The following CACNA1I variants were observed in gnomAD, a reference collection of about 807,000 sequenced individuals.
CACNA1I encodes voltage-dependent T-type calcium channel subunit alpha-1I.
Under a neutral mutation model 201.6 loss-of-function variants are expected in CACNA1I, and 74 were observed. That is an observed-to-expected ratio of 0.37 (90% CI 0.30 to 0.45). The LOEUF (loss-of-function observed/expected upper bound fraction) is 0.45. Among genes scored for constraint, CACNA1I ranks in the 20% least tolerant of loss-of-function variants. The pLI, the probability that CACNA1I is intolerant of heterozygous loss-of-function variation, is 1.00. For missense variants in CACNA1I, 2,346 were observed against 3,138.1 expected (o/e 0.75, Z 6.03); for synonymous variants, 1,431 against 1,345.2 (o/e 1.06, Z -1.40).
At chr22:39,643,095 CA>C (rs1437551462) in intron 7 of CACNA1I, among the ~76,000 whole-genome samples, 1 of 152,212 alleles carries the variant, frequency 6.6e-6, no homozygotes, top group Non-Finnish European at 1.5e-5. Context: ...GAGCATCCAA[CA>C]CCTTCGATTG....
rs59107946 is a variant in CACNA1I, at chr22:39,641,041, G to A, written c.915G>A (p.Ala305=). The stretch of plus-strand genomic sequence containing the variant: ...AGGACGACGTCTACGACTTTGGGGC[G>A]GGGCGCCAGGACCTCAATGCCAGCG... ...LSKDDVYDFG[A]GRQDLNASGL... Residue 305 remains alanine (A), a synonymous_variant, in exon 6 of 37, where the codon GCG becomes GCA. Coordinates refer to ENST00000402142, the MANE Select transcript of CACNA1I (RefSeq NM_021096.4). The A allele has an allele frequency of 2.2e-5, 36 of 1,613,912 alleles. No individual in the cohort carries two copies. In the African/African-American group the frequency reaches 2.9e-4, roughly 13 times the overall value.
intron 10 of CACNA1I, among the ~76,000 whole-genome samples, chr22:39,655,916 G>A (rs956195560): frequency 6.6e-6 from 1 of 152,218 alleles, no homozygotes; most frequent in Non-Finnish European, 1.5e-5. Context: ...TGGTAGGAGT[G>A]TGTGCGTGGC....
intron 1 of CACNA1I, among the ~76,000 whole-genome samples, chr22:39,578,583 G>GCCCCCC (rs1569044662): frequency 1.3e-5 from 2 of 151,864 alleles, no homozygotes; most frequent in East Asian, 3.9e-4. Flanking sequence ...TCTCCCCTGG[G>GCCCCCC]CTCCCCCTCT....
At chr22:39,588,654 G>C (rs1242406373) in intron 1 of CACNA1I, among the ~76,000 whole-genome samples, 1 of 152,104 alleles carries the variant, frequency 6.6e-6, no homozygotes, top group African/African-American at 2.4e-5. Flanking sequence ...CAAAGTGCTG[G>C]GATTACAGGC....
chr22:39,570,801 G>A lies in CACNA1I; in HGVS notation c.49G>A (p.Ala17Thr), dbSNP rs1285437076. Residue 17 changes from alanine (A) to threonine (T), a missense_variant, in exon 1 of 37, where the codon GCT becomes ACT. Coordinates refer to ENST00000402142, the MANE Select transcript of CACNA1I (RefSeq NM_021096.4). ...PPSSSAAAPA[A>T]EPGVTTEQPG... Reference sequence around the variant, plus strand: ...CTCCTCATCTGCAGCAGCCCCAGCCGCTGAGCCAGGAGTCACCACGGAGCA... The same window carrying A: ...CTCCTCATCTGCAGCAGCCCCAGCCACTGAGCCAGGAGTCACCACGGAGCA... The A allele has an allele frequency of 1.2e-5, 19 of 1,612,884 alleles. No individual in the cohort carries two copies. The highest frequency in any genetic ancestry group is 2.2e-5 in the East Asian group (1 of 44,890).
chr22:39,654,959 T>C (rs571287401), intron 10 of CACNA1I, among the ~76,000 whole-genome samples: 99 of 152,142 alleles, frequency 6.5e-4, no homozygotes, highest in African/African-American at 2.4e-3. Flanking sequence ...ACATTTGTGC[T>C]GAACTGGGGC....
At chr22:39,622,937 A>G (rs937961044) in intron 4 of CACNA1I, among the ~76,000 whole-genome samples, 1 of 152,194 alleles carries the variant, frequency 6.6e-6, no homozygotes, top group Non-Finnish European at 1.5e-5. Context: ...CAGGCCACGG[A>G]GCCCACAGGC....
At position 39,598,244 on chromosome 22, in the gene CACNA1I, C is replaced by G. The variant is rs1287071735; in HGVS notation, c.330C>G (p.Asp110Glu). 1 of 1,597,794 alleles carries G rather than the reference C, an allele frequency of 6.3e-7. No individual in the cohort carries two copies. Among genetic ancestry groups the G allele is most frequent in the Non-Finnish European group, 8.5e-7 (1 of 1,172,776 alleles). ...QPCDDMDCLS[D>E]RCKILQVFDD... Reference sequence around the variant, plus strand: ...GCGACGACATGGACTGCCTGTCCGACCGCTGCAAGATCCTGCAGGTGAGCC... The same window carrying G: ...GCGACGACATGGACTGCCTGTCCGAGCGCTGCAAGATCCTGCAGGTGAGCC... The change falls in exon 2 of 37, where the codon GAC becomes GAG. Residue 110 changes from aspartate to glutamate, a missense_variant. Transcript: ENST00000402142.
rs901787176 is a variant in CACNA1I, at chr22:39,665,914, G to A, written c.4012G>A (p.Val1338Met). ...FKGKFYHCLG[V>M]DTRNITNRSD... ...GGGCAAGTTCTACCACTGTCTGGGC[G>A]TGGACACCCGCAACATCACCAACCG... Residue 1338 changes from valine to methionine, a missense_variant, in exon 23 of 37, where the codon GTG (valine) becomes ATG (methionine). Around this residue, in one of 13 missense-constraint regions of CACNA1I, gnomAD observed 228 missense variants for 395.7 expected, o/e 0.58. Coordinates refer to ENST00000402142, the MANE Select transcript of CACNA1I (RefSeq NM_021096.4). This position sits in a 1 kb window ranked among gnomAD's most constrained non-coding sequence, Gnocchi z 5.5. The A allele has an allele frequency of 9.9e-6, 16 of 1,613,686 alleles. No homozygotes were observed. Among genetic ancestry groups the A allele is most frequent in the African/African-American group, 8.0e-5 (6 of 74,900 alleles).
chr22:39,601,169 C>T (rs1933018791), intron 3 of CACNA1I, among the ~76,000 whole-genome samples: 1 of 152,178 alleles, frequency 6.6e-6, no homozygotes, highest in Admixed American at 6.5e-5. Context: ...GGTCTTGTGC[C>T]TGCTTTCCTG....
intron 3 of CACNA1I, among the ~76,000 whole-genome samples, chr22:39,607,902 G>GGA (rs1028940186): frequency 1.9e-4 from 29 of 150,588 alleles, no homozygotes; most frequent in African/African-American, 6.1e-4. Context: ...AGGCGGGGGG[G>GGA]GGTCACCTGA....
intron 4 of CACNA1I, among the ~76,000 whole-genome samples, chr22:39,623,236 C>T (rs1220011772): frequency 5.4e-5 from 8 of 148,478 alleles, no homozygotes; most frequent in South Asian, 4.3e-4. Flanking sequence ...CGTGTGAGGA[C>T]GTGTGTGCAC....
intron 35 of CACNA1I, 95 bp downstream of exon 35, chr22:39,682,756 C>T: frequency 9.3e-7 from 1 of 1,069,794 alleles, no homozygotes; most frequent in African/African-American, 1.6e-5. Context: ...GTATTTTTAC[C>T]CAGATTATTA....
At chr22:39,620,498 A>G (rs978962769) in intron 4 of CACNA1I, among the ~76,000 whole-genome samples, 6 of 152,212 alleles carry the variant, frequency 3.9e-5, no homozygotes, top group East Asian at 1.9e-4. Flanking sequence ...TTTCATGTCC[A>G]TGACCTGTTT....
intron 4 of CACNA1I, 136 bp downstream of exon 4, chr22:39,619,543 G>T: frequency 1.5e-6 from 1 of 680,452 alleles, no homozygotes; most frequent in South Asian, 1.7e-5. Context: ...GCCCGGGTGT[G>T]CTCAGGGATC....
intron 1 of CACNA1I, among the ~76,000 whole-genome samples, chr22:39,585,085 G>C (rs757334135): frequency 5.9e-5 from 9 of 152,152 alleles, no homozygotes; most frequent in Non-Finnish European, 1.2e-4. Context: ...TTGAGATAGA[G>C]TTTCGCTTTT....
At chr22:39,655,397 C>A (rs1248304267) in intron 10 of CACNA1I, among the ~76,000 whole-genome samples, 2 of 152,160 alleles carry the variant, frequency 1.3e-5, no homozygotes, top group Non-Finnish European at 2.9e-5. Flanking sequence ...CCTCCTGCCT[C>A]TGGCTGAACT....
intron 6 of CACNA1I, among the ~76,000 whole-genome samples, chr22:39,642,375 G>A (rs531480058): frequency 2.1e-4 from 32 of 152,128 alleles, no homozygotes; most frequent in African/African-American, 6.3e-4. Context: ...GCCTCATTGC[G>A]GTGTGCACTC....
At chr22:39,620,614 G>GAGTA (rs1933717357) in intron 4 of CACNA1I, among the ~76,000 whole-genome samples, 1 of 152,204 alleles carries the variant, frequency 6.6e-6, no homozygotes, top group African/African-American at 2.4e-5. Context: ...CACTGCCAGT[G>GAGTA]AGTAGCAAAG....
Sources: allele counts gnomAD v4.1 joint callset (sites outside exome capture counted in the v4.1 genomes callset), GRCh38; gene constraint gnomAD v4.1.1; regional missense constraint gnomAD v4.1.1; non-coding constraint Gnocchi (gnomAD v3.1); transcripts MANE v1.5; gene names NCBI Gene and HGNC (gene_info 2026-07-23, HGNC 2026-07-21).